LURAP1L: variants seen among roughly 807,000 people sequenced by gnomAD.
LURAP1L encodes the protein leucine rich adaptor protein 1 like, also known as leucine rich adaptor protein 1-like.
In LURAP1L, 12 loss-of-function variants were observed where a neutral mutation model predicts 13.8. The ratio of observed to expected loss-of-function variants is 0.87; its 90% CI spans 0.56 to 1.41. The LOEUF (loss-of-function observed/expected upper bound fraction) is 1.41. LURAP1L is among the 40% of genes most tolerant of loss of function. LURAP1L has a pLI of 0.00. For synonymous variants in LURAP1L, 139 were observed against 119.2 expected (o/e 1.17, Z -1.08); for missense variants, 375 against 292.9 (o/e 1.28, Z -2.04).
At chr9:12,789,914 T>G (rs190250905) in intron 1 of LURAP1L, among the ~76,000 whole-genome samples, 1 of 152,342 alleles carries the variant, frequency 6.6e-6, no homozygotes, top group East Asian at 1.9e-4. Context: ...GAGACCATAC[T>G]TTAGTCTTAT....
At chr9:12,815,759 T>A (rs1288255185) in intron 1 of LURAP1L, among the ~76,000 whole-genome samples, 1 of 152,152 alleles carries the variant, frequency 6.6e-6, no homozygotes. Flanking sequence ...GCAAAAAATG[T>A]CCCTATTTGG....
intron 1 of LURAP1L, chr9:12,790,588 T>G (rs940821054): frequency 4.6e-5 from 7 of 151,836 alleles, no homozygotes; most frequent in Non-Finnish European, 1.0e-4. Flanking sequence ...AAGAAAAAAA[T>G]AAAGAAAATA....
chr9:12,795,111 C>A (rs1165157224), intron 1 of LURAP1L, among the ~76,000 whole-genome samples: 2 of 151,910 alleles, frequency 1.3e-5, no homozygotes, highest in Admixed American at 6.6e-5. Flanking sequence ...CAATTTACAA[C>A]CCAAGCCCCA....
rs9010 is a variant in LURAP1L at position 12,821,854 on chromosome 9, G to C, written c.*94G>C. 0.026 allele frequency: 38,016 copies of C among 1,445,494 alleles called. 628 individuals are homozygous for C. The highest frequency in any genetic ancestry group is 0.028 in the Non-Finnish European group (30,226 of 1,081,360). The allele number at this position is 1,445,494 out of a possible 1,614,324, so 89.5% of individuals were successfully genotyped here. A position where few individuals can be genotyped will look rare whatever the true frequency, so the allele number is the denominator to read the frequency against. The stretch of plus-strand genomic sequence containing the variant: ...TTTGGTGTGATTTTTATTTTAATAA[G>C]ATGACCTTTTTAAAAGAAGCTGATT... On this transcript the variant is annotated 3_prime_UTR_variant, in exon 2 of 2. Coordinates refer to ENST00000319264, the MANE Select transcript of LURAP1L (RefSeq NM_203403.2).
chr9:12,805,678 G>C (rs1819647470), intron 1 of LURAP1L, among the ~76,000 whole-genome samples: 1 of 152,150 alleles, frequency 6.6e-6, no homozygotes, highest in South Asian at 2.1e-4. Context: ...AAGTGATCTT[G>C]TCATAAAACC....
chr9:12,803,589 C>T (rs72702672), intron 1 of LURAP1L, among the ~76,000 whole-genome samples: 3,170 of 152,242 alleles, frequency 0.021, 53 homozygotes, highest in Non-Finnish European at 0.032. Context: ...TGATAAATTA[C>T]ATCACATTCA....
chr9:12,807,603 T>C (rs1010769654), intron 1 of LURAP1L, among the ~76,000 whole-genome samples: 13 of 152,212 alleles, frequency 8.5e-5, no homozygotes, highest in African/African-American at 2.4e-4. Context: ...CAAGTTATAA[T>C]TGGGTCTTGT....
At chr9:12,796,970 C>G (rs1819519415) in intron 1 of LURAP1L, among the ~76,000 whole-genome samples, 1 of 151,848 alleles carries the variant, frequency 6.6e-6, no homozygotes, top group Non-Finnish European at 1.5e-5. Context: ...GTCATTGTAC[C>G]TGGCACTTGT....
At chr9:12,819,632 C>A (rs1168629880) in intron 1 of LURAP1L, among the ~76,000 whole-genome samples, 1 of 152,036 alleles carries the variant, frequency 6.6e-6, no homozygotes, top group Non-Finnish European at 1.5e-5. Flanking sequence ...GGTTAGTAAC[C>A]CAACTGGAGG....
intron 1 of LURAP1L, among the ~76,000 whole-genome samples, chr9:12,812,180 C>T (rs1008245007): frequency 1.3e-5 from 2 of 152,146 alleles, no homozygotes; most frequent in African/African-American, 4.8e-5. Context: ...AGTCAATAGG[C>T]CCATCCGATA....
intron 1 of LURAP1L, among the ~76,000 whole-genome samples, chr9:12,819,422 A>G (rs916110702): frequency 2.0e-5 from 3 of 152,126 alleles, no homozygotes; most frequent in Non-Finnish European, 2.9e-5. Flanking sequence ...CCTCAATCCA[A>G]AGTTCCTCTT....
At chr9:12,797,958 A>G (rs1301863891) in intron 1 of LURAP1L, among the ~76,000 whole-genome samples, 1 of 152,154 alleles carries the variant, frequency 6.6e-6, no homozygotes, top group Non-Finnish European at 1.5e-5. Flanking sequence ...TCAAATAGAT[A>G]ATGAAATTTT....
At chr9:12,786,547 CATATATATATATATATATATATA>C (rs1819354478) in intron 1 of LURAP1L, among the ~76,000 whole-genome samples, 1 of 53,006 alleles carries the variant, frequency 1.9e-5, no homozygotes, top group Non-Finnish European at 3.3e-5. Flanking sequence ...ATATATATGA[CATATATATATATATATATATATA>C]TATATATATA....
intron 1 of LURAP1L, among the ~76,000 whole-genome samples, chr9:12,801,932 C>T (rs899356268): frequency 6.6e-6 from 1 of 152,150 alleles, no homozygotes; most frequent in African/African-American, 2.4e-5. Flanking sequence ...ATCCATGATT[C>T]ACATATACAA....
intron 1 of LURAP1L, among the ~76,000 whole-genome samples, chr9:12,810,032 G>C (rs146338005): frequency 1.3e-5 from 2 of 152,164 alleles, no homozygotes; most frequent in African/African-American, 2.4e-5. Context: ...TGGATATTTT[G>C]TTGATCAGGC....
At chr9:12,788,403 A>T (rs914047732) in intron 1 of LURAP1L, among the ~76,000 whole-genome samples, 13 of 152,122 alleles carry the variant, frequency 8.5e-5, no homozygotes, top group African/African-American at 1.7e-4. Flanking sequence ...CTATATTTTT[A>T]AAAAAAGAAA....
In LURAP1L at chr9:12,775,036, C is replaced by G. The variant is rs1239768139; in HGVS notation, c.-680C>G. ...GAGGAACACAATGACTTGGATCAAA[C>G]AGCCTAAATGGGAAGAAGGACATTT... On this transcript the variant is annotated 5_prime_UTR_variant, in exon 1 of 2. Transcript: ENST00000319264. 2 of 152,240 alleles carry G rather than the reference C, an allele frequency of 1.3e-5. No homozygotes were observed. Among genetic ancestry groups the G allele is most frequent in the African/African-American group, 2.4e-5 (1 of 41,440 alleles). 9.4% of individuals were successfully genotyped at this position (152,240 alleles called of 1,614,324 possible). A position where few individuals can be genotyped will look rare whatever the true frequency, so the allele number is the denominator to read the frequency against.
At chr9:12,812,103 T>A (rs1475668651) in intron 1 of LURAP1L, among the ~76,000 whole-genome samples, 1 of 152,192 alleles carries the variant, frequency 6.6e-6, no homozygotes, top group South Asian at 2.1e-4. Context: ...GAAGCCACAA[T>A]CTTTTTGTAA....
intron 1 of LURAP1L, among the ~76,000 whole-genome samples, chr9:12,798,485 C>T (rs966063608): frequency 6.6e-6 from 1 of 152,196 alleles, no homozygotes; most frequent in South Asian, 2.1e-4. Context: ...TTGTTTCCTT[C>T]TTCATTCTTT....
Sources: allele counts gnomAD v4.1 joint callset (sites outside exome capture counted in the v4.1 genomes callset), GRCh38; gene constraint gnomAD v4.1.1; transcripts MANE v1.5; gene names NCBI Gene and HGNC (gene_info 2026-07-23, HGNC 2026-07-21).